The following CDC42SE2 variants were observed in gnomAD, a reference collection of about 807,000 sequenced individuals.
The protein encoded by CDC42SE2 is CDC42 small effector 2, also known as CDC42 small effector protein 2.
A neutral mutation model predicts 11.5 loss-of-function variants in CDC42SE2; 3 were observed. The ratio of observed to expected loss-of-function variants is 0.26; its 90% CI spans 0.12 to 0.67. The LOEUF is 0.67. Ranked by LOEUF, CDC42SE2 falls within the 30% of genes least tolerant of loss-of-function variation. The pLI is 0.80. For synonymous variants in CDC42SE2, 33 were observed against 34.8 expected (o/e 0.95, Z 0.18); for missense variants, 82 against 106.8 (o/e 0.77, Z 1.02).
At chr5:131,379,010 C>T (rs1027414819) in intron 3 of CDC42SE2, among the ~76,000 whole-genome samples, 2 of 152,120 alleles carry the variant, frequency 1.3e-5, no homozygotes, top group Non-Finnish European at 2.9e-5. Flanking sequence ...CTGGGATGCC[C>T]CAAGACACAA....
At chr5:131,217,238 A>G in the CDC42SE2 span, among the ~76,000 whole-genome samples, 2 of 152,180 alleles carry the variant, frequency 1.3e-5, no homozygotes, top group East Asian at 3.8e-4. Context: ...CTACAGCAAC[A>G]CGGTTGAGTA....
At chr5:131,230,612 A>G in the CDC42SE2 span, among the ~76,000 whole-genome samples, 1 of 152,330 alleles carries the variant, frequency 6.6e-6, no homozygotes, top group South Asian at 2.1e-4. Context: ...TACTGACAGA[A>G]TTGAACCAAA....
intron 4 of CDC42SE2, among the ~76,000 whole-genome samples, chr5:131,390,607 G>A (rs189738138): frequency 9.0e-4 from 137 of 152,064 alleles, no homozygotes; most frequent in African/African-American, 3.2e-3. Context: ...CCTGGGAGGT[G>A]GAGGTTGCAG....
chr5:131,236,437 A>T, the CDC42SE2 span, among the ~76,000 whole-genome samples: 44 of 151,834 alleles, frequency 2.9e-4, no homozygotes, highest in African/African-American at 6.8e-4. Context: ...TATTATTATT[A>T]TTTTTTTGAG....
chr5:131,286,576 G>A (rs760323575), intron 1 of CDC42SE2, among the ~76,000 whole-genome samples: 36 of 151,496 alleles, frequency 2.4e-4, no homozygotes, highest in African/African-American at 8.3e-4. Context: ...GGTTTGAACC[G>A]TGCAATTCCA....
At chr5:131,388,799 T>G (rs994808172) in intron 4 of CDC42SE2, among the ~76,000 whole-genome samples, 6 of 152,220 alleles carry the variant, frequency 3.9e-5, no homozygotes, top group African/African-American at 1.4e-4. Flanking sequence ...TAGAATCTGC[T>G]TGGCATTATT....
At chr5:131,216,451 G>A in the CDC42SE2 span, among the ~76,000 whole-genome samples, 1 of 145,130 alleles carries the variant, frequency 6.9e-6, no homozygotes, top group Non-Finnish European at 1.5e-5. Flanking sequence ...GCAATGAGCT[G>A]TGGTCACACC....
Position 131,291,053 on chromosome 5 carries a change from G to C in CDC42SE2, c.-454-24923G>C, listed in dbSNP as rs576474615. ...GAGGGCTTTCACAAGAAGCCTTATA[G>C]AGAAATATTTATAAGTGTGCCTGAT... On this transcript the variant is annotated intron_variant, in intron 1 of 4. Coordinates refer to ENST00000505065, the MANE Select transcript of CDC42SE2 (RefSeq NM_001375635.1). Among the ~76,000 whole-genome samples, 11 of 152,250 alleles carry C rather than the reference G, an allele frequency of 7.2e-5. No individual in the cohort carries two copies. The South Asian group carries it at 2.3e-3, about 32-fold the overall frequency.
chr5:131,349,376 A>G (rs1758942610), intron 2 of CDC42SE2, among the ~76,000 whole-genome samples: 1 of 151,776 alleles, frequency 6.6e-6, no homozygotes. Context: ...GCATTAGGAG[A>G]TATACCTAAT....
intron 2 of CDC42SE2, among the ~76,000 whole-genome samples, chr5:131,332,454 A>G (rs1758441589): frequency 1.3e-5 from 2 of 152,198 alleles, no homozygotes; most frequent in South Asian, 4.1e-4. Context: ...TTATAGCAGC[A>G]TGATTTATAA....
intron 1 of CDC42SE2, among the ~76,000 whole-genome samples, chr5:131,313,571 A>G (rs1003963495): frequency 1.3e-5 from 2 of 152,184 alleles, no homozygotes; most frequent in Non-Finnish European, 2.9e-5. Context: ...TTGTTGAGAA[A>G]GCTATCCTTT....
chr5:131,256,732 C>T (rs1360269469), intron 2 of CDC42SE2, among the ~76,000 whole-genome samples: 1 of 152,190 alleles, frequency 6.6e-6, no homozygotes, highest in Non-Finnish European at 1.5e-5. Context: ...CATTCTTTGC[C>T]ATGTGGGCCC....
rs1750531465 is a variant in CDC42SE2, at chr5:131,387,815, G to A, written c.156+2171G>A. Among the ~76,000 whole-genome samples the A allele has an allele frequency of 3.3e-5, 5 of 152,144 alleles. No individual in the cohort carries two copies. The South Asian group carries it at 1.0e-3, about 31-fold the overall frequency. On this transcript the variant is annotated intron_variant, in intron 4 of 4. Transcript: ENST00000505065. ...GTTTCTACCTTGCTGTCTCCAGGCA[G>A]CCTTCTCTGCTACTGAAGTGGACTT...
chr5:131,334,129 A>T (rs1328464756), intron 2 of CDC42SE2, among the ~76,000 whole-genome samples: 5 of 152,076 alleles, frequency 3.3e-5, no homozygotes, highest in Non-Finnish European at 7.3e-5. Flanking sequence ...TTATTTTGAG[A>T]TATGTCCCAT....
intron 1 of CDC42SE2, among the ~76,000 whole-genome samples, chr5:131,249,939 TAAG>T (rs927821363): frequency 3.3e-5 from 5 of 152,244 alleles, no homozygotes; most frequent in South Asian, 2.1e-4. Context: ...GGCAGCAACT[TAAG>T]GAGTCTGTGC....
intron 2 of CDC42SE2, among the ~76,000 whole-genome samples, chr5:131,324,961 T>A (rs1348482004): frequency 6.6e-6 from 1 of 152,234 alleles, no homozygotes; most frequent in Non-Finnish European, 1.5e-5. Flanking sequence ...TGTAAATTTC[T>A]CATAGTTACT....
upstream of CDC42SE2, among the ~76,000 whole-genome samples, chr5:131,240,955 T>G (rs1756535689): frequency 1.4e-5 from 1 of 72,450 alleles, no homozygotes; most frequent in South Asian, 3.3e-4. Flanking sequence ...ATGGGTTTTG[T>G]TTTTGTTTTT....
At chr5:131,325,759 C>G (rs1418221723) in intron 2 of CDC42SE2, among the ~76,000 whole-genome samples, 1 of 152,208 alleles carries the variant, frequency 6.6e-6, no homozygotes, top group African/African-American at 2.4e-5. Context: ...AATTAAAGTT[C>G]TGTCAGCAAT....
intron 1 of CDC42SE2, among the ~76,000 whole-genome samples, chr5:131,286,086 A>C (rs148427345): frequency 3.5e-3 from 485 of 139,150 alleles, no homozygotes; most frequent in Non-Finnish European, 5.5e-3. Flanking sequence ...ACAGGGTCTC[A>C]CTGTGTCACC....
Sources: allele counts gnomAD v4.1 joint callset (sites outside exome capture counted in the v4.1 genomes callset), GRCh38; gene constraint gnomAD v4.1.1; transcripts MANE v1.5; gene names NCBI Gene and HGNC (gene_info 2026-07-23, HGNC 2026-07-21).